Variants in GRIK4 observed in about 807,000 individuals in gnomAD.
GRIK4 encodes the protein glutamate ionotropic receptor kainate type subunit 4.
A neutral mutation model predicts 104.9 loss-of-function variants in GRIK4; 40 were observed. The ratio of observed to expected loss-of-function variants is 0.38; its 90% CI spans 0.30 to 0.50. The LOEUF is 0.50. GRIK4 is among the 20% of genes least tolerant of loss of function. The pLI is 0.93. For missense variants in GRIK4, 1,047 were observed against 1,308.1 expected, an observed-to-expected ratio of 0.80 and a Z score of 3.08; for synonymous variants, 485 against 524.9, an observed-to-expected ratio of 0.92 and a Z score of 1.04.
At chr11:120,750,350 C>CTT (rs869135246) in intron 3 of GRIK4, among the ~76,000 whole-genome samples, 994 of 75,920 alleles carry the variant, frequency 0.013, 2 homozygotes, top group Non-Finnish European at 0.018. Context: ...CTAGAAATCT[C>CTT]TTTTTTTTTT....
chr11:120,629,308 A>C (rs4935745), intron 1 of GRIK4, among the ~76,000 whole-genome samples: 2,717 of 152,276 alleles, frequency 0.018, 125 homozygotes, highest in Admixed American at 0.092. Context: ...CAGTTTCTTC[A>C]TTTGAAAAAT....
chr11:120,599,021 G>A (rs1287864369), intron 1 of GRIK4, among the ~76,000 whole-genome samples: 1 of 152,192 alleles, frequency 6.6e-6, no homozygotes, highest in Non-Finnish European at 1.5e-5. Flanking sequence ...TGGTCATTCT[G>A]CGTTACTGCA....
At chr11:120,944,972 T>C (rs75608466) in intron 14 of GRIK4, among the ~76,000 whole-genome samples, 1 of 151,876 alleles carries the variant, frequency 6.6e-6, no homozygotes. Context: ...TCCTTCATAA[T>C]CTATTTGCAG....
At chr11:120,900,474 A>C (rs1220676591) in intron 12 of GRIK4, among the ~76,000 whole-genome samples, 1 of 152,234 alleles carries the variant, frequency 6.6e-6, no homozygotes. Context: ...TGAACCAAAA[A>C]GACAAGAATC....
At chr11:120,831,004 C>T (rs1953414242) in intron 6 of GRIK4, among the ~76,000 whole-genome samples, 1 of 152,052 alleles carries the variant, frequency 6.6e-6, no homozygotes, top group Non-Finnish European at 1.5e-5. Flanking sequence ...CCACCAGGGC[C>T]CTAGGCATCA....
chr11:120,588,393 C>G (rs1565562540), intron 1 of GRIK4, among the ~76,000 whole-genome samples: 2 of 152,182 alleles, frequency 1.3e-5, no homozygotes, highest in Non-Finnish European at 2.9e-5. Flanking sequence ...TTACTCTGTT[C>G]AGGCATAGAG....
intron 1 of GRIK4, among the ~76,000 whole-genome samples, chr11:120,525,681 G>T (rs759783360): frequency 2.0e-4 from 31 of 152,196 alleles, no homozygotes; most frequent in Non-Finnish European, 4.0e-4. Context: ...ACAAGCTGAT[G>T]GTTCTCCTCT....
intron 14 of GRIK4, among the ~76,000 whole-genome samples, chr11:120,943,741 T>A (rs988518302): frequency 2.0e-5 from 3 of 152,178 alleles, no homozygotes; most frequent in African/African-American, 7.2e-5. Context: ...GACTGATGAG[T>A]TATTGTTACC....
At chr11:120,537,879 A>G (rs1055473045) in intron 1 of GRIK4, among the ~76,000 whole-genome samples, 3 of 152,156 alleles carry the variant, frequency 2.0e-5, no homozygotes, top group African/African-American at 7.2e-5. Context: ...CCAACAAACA[A>G]ACCTTGAGTG....
rs1949519827 is a variant in GRIK4 at position 120,644,775 on chromosome 11, G to A, written c.-158-8910G>A. Among the ~76,000 whole-genome samples, 3 of 152,308 alleles carry A rather than the reference G, an allele frequency of 2.0e-5. No homozygotes were observed. The South Asian group carries it at 6.2e-4, about 32-fold the overall frequency. ...GACAATGAGGACGATCAAAGACAAG[G>A]ATTGTTCTCTGCCCTGTACTTGAAT... On this transcript the variant is annotated intron_variant, in intron 1 of 20. Coordinates refer to ENST00000527524, the MANE Select transcript of GRIK4 (RefSeq NM_014619.5).
At position 120,567,922 on chromosome 11, in the gene GRIK4, A is replaced by G. The variant is rs369336227; in HGVS notation, c.-159+56035A>G. On this transcript the variant is annotated intron_variant, in intron 1 of 20. Transcript: ENST00000527524. Reference sequence around the variant, plus strand: ...AGGCCAGGCATGGTGGCTCATGCCTATAATCCCAACACTTTGGGAGGCCGA... The same window carrying G: ...AGGCCAGGCATGGTGGCTCATGCCTGTAATCCCAACACTTTGGGAGGCCGA... Among the ~76,000 whole-genome samples, 5 of 152,318 alleles carry G rather than the reference A, an allele frequency of 3.3e-5. No homozygotes were observed. In the South Asian group the frequency reaches 1.0e-3, roughly 32 times the overall value.
At chr11:120,754,302 G>C (rs1565333402) in intron 3 of GRIK4, among the ~76,000 whole-genome samples, 1 of 152,184 alleles carries the variant, frequency 6.6e-6, no homozygotes, top group Non-Finnish European at 1.5e-5. Flanking sequence ...GTGAAGCACT[G>C]TGCCTGGCCC....
chr11:120,640,245 C>CA (rs899569955), intron 1 of GRIK4, among the ~76,000 whole-genome samples: 24 of 152,314 alleles, frequency 1.6e-4, no homozygotes, highest in African/African-American at 5.8e-4. Context: ...ATAGTAGTAA[C>CA]AGGGGTCATT....
chr11:120,555,470 G>C lies in GRIK4; in HGVS notation c.-159+43583G>C, dbSNP rs538335503. 1.3e-5 allele frequency among the ~76,000 whole-genome samples: 2 copies of C among 152,208 alleles called. No individual in the cohort carries two copies. The highest frequency in any genetic ancestry group is 1.9e-4 in the East Asian group (1 of 5,194). ...CTACCGGGCTGCTTATGTACTCGCC[G>C]AGCCAGCATTCACACACTTTCTCCT... On this transcript the variant is annotated intron_variant, in intron 1 of 20. Coordinates refer to ENST00000527524, the MANE Select transcript of GRIK4 (RefSeq NM_014619.5). This position sits in a 1 kb window ranked among gnomAD's most constrained non-coding sequence, Gnocchi z 5.3.
chr11:120,703,193 T>G (rs558695180), intron 3 of GRIK4, among the ~76,000 whole-genome samples: 7 of 152,292 alleles, frequency 4.6e-5, no homozygotes, highest in Non-Finnish European at 1.0e-4. Flanking sequence ...CTTAAATTCA[T>G]CTAAATTTAA....
rs143578747 is a variant in GRIK4 at position 120,665,368 on chromosome 11, T to C, written c.82+4968T>C. ...TTGAGTCACCCATATAGACAATCAA[T>C]TGGTCTTTCACATTAGTGACAAATA... On this transcript the variant is annotated intron_variant, in intron 3 of 20. Transcript: ENST00000527524. 2.5e-3 allele frequency among the ~76,000 whole-genome samples: 382 copies of C among 152,342 alleles called. 2 individuals carry two copies. Among genetic ancestry groups the C allele is most frequent in the African/African-American group, 8.6e-3 (356 of 41,578 alleles).
intron 1 of GRIK4, among the ~76,000 whole-genome samples, chr11:120,526,201 T>C (rs929752876): frequency 2.0e-5 from 3 of 151,982 alleles, no homozygotes; most frequent in Non-Finnish European, 4.4e-5. Context: ...TATGTGCACT[T>C]CTCTTTCTTT....
chr11:120,775,960 C>T (rs1952033652), intron 3 of GRIK4, among the ~76,000 whole-genome samples: 1 of 152,216 alleles, frequency 6.6e-6, no homozygotes, highest in Non-Finnish European at 1.5e-5. Context: ...CCTCCCCTGG[C>T]AGGCTGCATC....
intron 4 of GRIK4, among the ~76,000 whole-genome samples, chr11:120,812,806 G>T (rs1952856247): frequency 6.6e-6 from 1 of 152,210 alleles, no homozygotes; most frequent in African/African-American, 2.4e-5. Flanking sequence ...ACATAGGTGA[G>T]AGTGCAGGGT....
Sources: allele counts gnomAD v4.1 joint callset (sites outside exome capture counted in the v4.1 genomes callset), GRCh38; gene constraint gnomAD v4.1.1; non-coding constraint Gnocchi (gnomAD v3.1); transcripts MANE v1.5; gene names NCBI Gene and HGNC (gene_info 2026-07-23, HGNC 2026-07-21).